Variants in ARHGEF18 observed in about 807,000 individuals in gnomAD.
The protein encoded by ARHGEF18 is Rho/Rac guanine nucleotide exchange factor 18, also known as rho guanine nucleotide exchange factor 18.
Under a neutral mutation model 155.7 loss-of-function variants are expected in ARHGEF18, and 93 were observed. That is an observed-to-expected ratio of 0.60 (90% CI 0.50 to 0.71). The LOEUF is 0.71. Ranked by LOEUF, ARHGEF18 falls within the 30% of genes least tolerant of loss-of-function variation. The pLI, the probability that ARHGEF18 is intolerant of heterozygous loss-of-function variation, is 0.00. For synonymous variants in ARHGEF18, 742 were observed against 753.1 expected, an observed-to-expected ratio of 0.99 and a Z score of 0.24; for missense variants, 1,593 against 1,816.1, an observed-to-expected ratio of 0.88 and a Z score of 2.23.
In ARHGEF18 at chr19:7,444,802, GCTAA is replaced by G. The variant is rs1402197771; in HGVS notation, c.1611+351_1611+354del. On this transcript the variant is annotated intron_variant, in intron 14 of 28. Transcript: ENST00000668164. This position sits in a 1 kb window ranked among gnomAD's most constrained non-coding sequence, Gnocchi z 4.7. ...GGGACTCCAGGGAACACCATGCCTG[GCTAA>G]CTTTTTATTTTTTGAAGAGATGGGG... Among the ~76,000 whole-genome samples, 1 of 152,136 alleles carries G rather than the reference GCTAA, an allele frequency of 6.6e-6. No homozygotes were observed. Among genetic ancestry groups the G allele is most frequent in the Non-Finnish European group, 1.5e-5 (1 of 68,016 alleles).
chr19:7,402,673 C>T (rs1389634045), intron 10 of ARHGEF18, among the ~76,000 whole-genome samples: 3 of 151,942 alleles, frequency 2.0e-5, no homozygotes, highest in Non-Finnish European at 4.4e-5. Flanking sequence ...CTAAGAGAAC[C>T]CTAAAGGAAA....
chr19:7,395,281 C>CG lies in ARHGEF18; in HGVS notation c.967+12082dup, dbSNP rs537458140. ...GGCGGCGGGGCGGTCCCGAGGAAAA[C>CG]GGGGCTCAGGAGGGGGCCCTCGGTC... is the stretch of plus-strand genomic sequence containing the variant. On this transcript the variant is annotated intron_variant, in intron 10 of 28. Coordinates refer to ENST00000668164, the MANE Select transcript of ARHGEF18 (RefSeq NM_001367823.1). This position sits in a 1 kb window ranked among gnomAD's most constrained non-coding sequence, Gnocchi z 5.0. 773 of 985,910 alleles carry CG rather than the reference C, an allele frequency of 7.8e-4. 6 individuals carry two copies. The African/African-American group carries it at 0.013, about 16-fold the overall frequency. The allele number at this position is 985,910 out of a possible 1,614,324, so 61.1% of individuals were successfully genotyped here.
intron 10 of ARHGEF18, among the ~76,000 whole-genome samples, chr19:7,404,465 T>C (rs939280407): frequency 1.4e-5 from 2 of 148,048 alleles, no homozygotes; most frequent in Non-Finnish European, 3.0e-5. Context: ...CTCTTTTTTT[T>C]TTTTTTTTTT....
chr19:7,477,283 G>T (rs750254490), downstream of ARHGEF18: 10 of 1,584,786 alleles, frequency 6.3e-6, no homozygotes, highest in Non-Finnish European at 8.6e-6. Context: ...TGCCCATGAG[G>T]CCCACTAGCC....
chr19:7,457,597 A>G (rs1411209389), intron 18 of ARHGEF18, among the ~76,000 whole-genome samples: 1 of 151,596 alleles, frequency 6.6e-6, no homozygotes, highest in Non-Finnish European at 1.5e-5. Flanking sequence ...TCCTGACCTT[A>G]AGTGATCTGC....
chr19:7,382,389 T>A (rs1310019527), intron 8 of ARHGEF18, among the ~76,000 whole-genome samples: 1 of 147,662 alleles, frequency 6.8e-6, no homozygotes. Flanking sequence ...AGTGAGACTC[T>A]GTCTCAAAAT....
chr19:7,378,523 G>A lies in ARHGEF18; in HGVS notation c.599+72G>A. The A allele has an allele frequency of 2.5e-6, 3 of 1,180,292 alleles. No homozygotes were observed. The South Asian group carries it at 1.3e-4, about 51-fold the overall frequency. 73.1% of individuals were successfully genotyped at this position (1,180,292 alleles called of 1,614,324 possible). On this transcript the variant is annotated intron_variant, in intron 6 of 28. Transcript: ENST00000668164. Reference sequence around the variant, plus strand: ...CACAAAGTCAGGGCTGCGGGAGGAGGGCTGCCAGGGTGCAGTGTTGCTGGC... The same window carrying A: ...CACAAAGTCAGGGCTGCGGGAGGAGAGCTGCCAGGGTGCAGTGTTGCTGGC...
intron 10 of ARHGEF18, among the ~76,000 whole-genome samples, chr19:7,388,663 C>G (rs149561791): frequency 6.6e-6 from 1 of 152,022 alleles, no homozygotes; most frequent in East Asian, 1.9e-4. Flanking sequence ...TCACTGCAAC[C>G]TCCGCCTCCC....
chr19:7,401,883 A>T (rs1316445995), intron 10 of ARHGEF18, among the ~76,000 whole-genome samples: 1 of 152,202 alleles, frequency 6.6e-6, no homozygotes, highest in Non-Finnish European at 1.5e-5. Flanking sequence ...CATACTGTGG[A>T]ATATTACTTG....
chr19:7,419,692 A>AT (rs1477772703), intron 10 of ARHGEF18, among the ~76,000 whole-genome samples: 1 of 151,956 alleles, frequency 6.6e-6, no homozygotes, highest in Non-Finnish European at 1.5e-5. Flanking sequence ...CACACTCCAG[A>AT]CCTGCCGTCT....
At chr19:7,431,529 A>AAAAAAAAAAAAAAAAAAAAG (rs901539858) in intron 10 of ARHGEF18, among the ~76,000 whole-genome samples, 7 of 146,956 alleles carry the variant, frequency 4.8e-5, no homozygotes, top group East Asian at 2.0e-4. Context: ...AAAAAAAAAA[A>AAAAAAAAAAAAAAAAAAAAG]AAAAGGCCGG....
chr19:7,422,219 C>T (rs1568319754), intron 10 of ARHGEF18, among the ~76,000 whole-genome samples: 1 of 152,158 alleles, frequency 6.6e-6, no homozygotes, highest in Non-Finnish European at 1.5e-5. Context: ...CTAAAACCTT[C>T]CCCTGGCTCC....
At chr19:7,447,923 G>A (rs898272875) in intron 15 of ARHGEF18, among the ~76,000 whole-genome samples, 1 of 152,134 alleles carries the variant, frequency 6.6e-6, no homozygotes, top group Non-Finnish European at 1.5e-5. Context: ...GAGCTCAGGA[G>A]TTTAAGAGCA....
At chr19:7,396,386 A>G (rs1290248834) in intron 10 of ARHGEF18, among the ~76,000 whole-genome samples, 1 of 152,038 alleles carries the variant, frequency 6.6e-6, no homozygotes, top group Admixed American at 6.6e-5. Flanking sequence ...TGAGTTTTGC[A>G]GGTGTCTGAG....
chr19:7,460,044 G>GCCCT, intron 20 of ARHGEF18, 50 bp downstream of exon 20: 1 of 1,529,644 alleles, frequency 6.5e-7, no homozygotes, highest in South Asian at 1.2e-5. Context: ...TGAGCCCTGG[G>GCCCT]CCCTCCATCA....
chr19:7,386,035 T>C (rs1303677843), intron 10 of ARHGEF18, among the ~76,000 whole-genome samples: 1 of 130,406 alleles, frequency 7.7e-6, no homozygotes, highest in East Asian at 2.5e-4. Flanking sequence ...CCTCTCTCCC[T>C]CTCTCTCTCT....
In ARHGEF18 at chr19:7,451,219, T is replaced by G; in HGVS notation, c.1808T>G (p.Ile603Arg). Residue 603 changes from isoleucine to arginine, a missense_variant, in exon 16 of 29, where the codon ATA becomes AGA. Coordinates refer to ENST00000668164, the MANE Select transcript of ARHGEF18 (RefSeq NM_001367823.1). ...QECILLVTQR[I>R]TKYPVLVERI... is the part of the protein sequence containing the mutation. The stretch of plus-strand genomic sequence containing the variant: ...TGCATTCTCCTGGTTACACAACGCA[T>G]AACCAAATACCCAGTGCTGGTGGAG... The G allele has an allele frequency of 6.2e-7, 1 of 1,608,794 alleles. No individual in the cohort carries two copies. The highest frequency in any genetic ancestry group is 8.5e-7 in the Non-Finnish European group (1 of 1,178,266).
At chr19:7,394,178 C>G (rs759173112) in intron 10 of ARHGEF18, among the ~76,000 whole-genome samples, 5 of 151,858 alleles carry the variant, frequency 3.3e-5, no homozygotes, top group Non-Finnish European at 4.4e-5. Context: ...GCCTGGACCT[C>G]CCAGGCTCAA....
intron 10 of ARHGEF18, among the ~76,000 whole-genome samples, chr19:7,426,435 T>A (rs1471157672): frequency 7.0e-6 from 1 of 143,856 alleles, no homozygotes; most frequent in African/African-American, 2.6e-5. Flanking sequence ...TGCAGTGAGC[T>A]GAGATTGCGC....
Sources: gnomAD v4.1 joint callset for allele counts (sites outside exome capture counted in the v4.1 genomes callset) on GRCh38, gnomAD v4.1.1 for gene constraint, Gnocchi (gnomAD v3.1) non-coding constraint, MANE v1.5 for transcripts, NCBI Gene and HGNC (gene_info 2026-07-23, HGNC 2026-07-21) for gene names.